Variants in TMEM117 observed in about 807,000 individuals in gnomAD.
TMEM117 encodes the protein transmembrane protein 117.
In TMEM117, 27 loss-of-function variants were observed where a neutral mutation model predicts 52.4. That is an observed-to-expected ratio of 0.51 (90% confidence interval 0.38 to 0.71). TMEM117 has a LOEUF of 0.71. Ranked by LOEUF, TMEM117 falls within the 30% of genes least tolerant of loss-of-function variation. The pLI is 0.00. For missense variants in TMEM117, 556 were observed against 630.5 expected (o/e 0.88, Z 1.26); for synonymous variants, 215 against 206.3 (o/e 1.04, Z -0.36).
At chr12:44,356,736 C>T (rs1025348441) in intron 6 of TMEM117, among the ~76,000 whole-genome samples, 3 of 152,142 alleles carry the variant, frequency 2.0e-5, no homozygotes, top group East Asian at 1.9e-4. Context: ...AATATGTTAA[C>T]GTCGGTGCCA....
intron 3 of TMEM117, among the ~76,000 whole-genome samples, chr12:44,064,491 C>T (rs1277814027): frequency 6.6e-6 from 1 of 152,164 alleles, no homozygotes; most frequent in African/African-American, 2.4e-5. Context: ...GATATTTTAT[C>T]AGGTGGCTCT....
intron 2 of TMEM117, among the ~76,000 whole-genome samples, chr12:43,917,088 T>C (rs561491678): frequency 1.3e-5 from 2 of 152,216 alleles, no homozygotes; most frequent in East Asian, 3.9e-4. Context: ...TTTATTGATA[T>C]AGTGATACAA....
chr12:44,042,752 TTAA>T (rs1474183641), intron 3 of TMEM117, among the ~76,000 whole-genome samples: 4 of 133,542 alleles, frequency 3.0e-5, no homozygotes, highest in Non-Finnish European at 4.6e-5. Flanking sequence ...AAGTTAATCC[TTAA>T]TAAACTACAC....
chr12:44,006,835 T>A (rs1946205678), intron 3 of TMEM117, among the ~76,000 whole-genome samples: 1 of 152,212 alleles, frequency 6.6e-6, no homozygotes, highest in Admixed American at 6.5e-5. Context: ...GATTCCTTTT[T>A]GTGAAGCATA....
chr12:44,269,255 A>T lies in TMEM117; in HGVS notation c.609-30325A>T, dbSNP rs559565402. Among the ~76,000 whole-genome samples the T allele has an allele frequency of 1.5e-3, 229 of 152,248 alleles. 3 individuals are homozygous for T. Among genetic ancestry groups the T allele is most frequent in the African/African-American group, 5.1e-3 (214 of 41,570 alleles). On this transcript the variant is annotated intron_variant, in intron 5 of 7. Transcript: ENST00000266534. The stretch of plus-strand genomic sequence containing the variant: ...AAAAATTCAAGTAACACCAAAAGGC[A>T]TAAATTTAAAAGGAAAACACTACCA...
chr12:44,280,966 T>C (rs1950570018), intron 5 of TMEM117, among the ~76,000 whole-genome samples: 1 of 150,944 alleles, frequency 6.6e-6, no homozygotes, highest in Non-Finnish European at 1.5e-5. Context: ...CAATCACAAG[T>C]GCTGTCATGC....
At chr12:43,828,431 C>T in the TMEM117 span, among the ~76,000 whole-genome samples, 965 of 152,288 alleles carry the variant, frequency 6.3e-3, 24 homozygotes, top group East Asian at 0.087. Context: ...ATTCCAGCCC[C>T]CCTACCTTAT....
At chr12:44,152,589 T>C (rs1225317978) in intron 4 of TMEM117, among the ~76,000 whole-genome samples, 1 of 123,114 alleles carries the variant, frequency 8.1e-6, no homozygotes, top group Admixed American at 9.1e-5. Flanking sequence ...ATATATAATA[T>C]TTATATCATA....
In TMEM117 at chr12:44,388,454, A is replaced by G. The variant is rs750765878; in HGVS notation, c.1327A>G (p.Ser443Gly). The G allele has an allele frequency of 6.2e-7, 1 of 1,613,494 alleles. No homozygotes were observed. ...GAAAAGAAAATCTCCATCAGAACATAGCAAAGACATGGGAATCACTCGAGA... is the reference window on the plus strand; with the variant it reads ...GAAAAGAAAATCTCCATCAGAACATGGCAAAGACATGGGAATCACTCGAGA... The part of the protein sequence containing the change: ...RMKRKSPSEH[S>G]KDMGITRENT... The change falls in exon 8 of 8, where the codon AGC (serine) becomes GGC (glycine). Residue 443 changes from serine to glycine, a missense_variant. Physicochemically the swap from Ser to Gly is moderately conservative, Grantham distance 56. This residue lies in a region of TMEM117 where 206 missense variants were observed against 211.1 expected (regional missense o/e 0.98). Coordinates refer to ENST00000266534, the MANE Select transcript of TMEM117 (RefSeq NM_032256.3).
the TMEM117 span, among the ~76,000 whole-genome samples, chr12:43,795,913 G>A: frequency 6.6e-6 from 1 of 152,104 alleles, no homozygotes; most frequent in Non-Finnish European, 1.5e-5. Context: ...GGGGGAAGGG[G>A]CTAAATGAGT....
rs561864874 is a variant in TMEM117, at chr12:43,875,248, T to A, written c.277+30320T>A. ...GTGTGTGTGTGTGTGTGTGTGTGTG[T>A]GTGAGAAAAGAGTCAGAATCGGGTA... On this transcript the variant is annotated intron_variant, in intron 2 of 7. Coordinates refer to ENST00000266534, the MANE Select transcript of TMEM117 (RefSeq NM_032256.3). 3.2e-3 allele frequency among the ~76,000 whole-genome samples: 442 copies of A among 137,250 alleles called. 2 individuals carry two copies. The highest frequency in any genetic ancestry group is 6.0e-3 in the Non-Finnish European group (366 of 61,192). The allele number at this position is 137,250 out of a possible 152,430, so 90.0% of individuals were successfully genotyped here.
intron 3 of TMEM117, among the ~76,000 whole-genome samples, chr12:44,008,147 G>A (rs1344121526): frequency 2.0e-5 from 3 of 152,114 alleles, no homozygotes; most frequent in African/African-American, 4.8e-5. Context: ...ACCTGGATGA[G>A]GACCAAGACT....
chr12:44,232,965 A>G (rs918855546), intron 5 of TMEM117, among the ~76,000 whole-genome samples: 2 of 151,190 alleles, frequency 1.3e-5, no homozygotes, highest in Non-Finnish European at 3.0e-5. Flanking sequence ...CTCAAATTTC[A>G]TATATTGATT....
the TMEM117 span, among the ~76,000 whole-genome samples, chr12:43,807,894 C>T: frequency 6.6e-6 from 1 of 152,118 alleles, no homozygotes; most frequent in Non-Finnish European, 1.5e-5. Context: ...TGAACATTTG[C>T]CAGAGCTGTC....
intron 4 of TMEM117, among the ~76,000 whole-genome samples, chr12:44,209,320 T>C (rs1949614875): frequency 6.6e-6 from 1 of 152,114 alleles, no homozygotes; most frequent in African/African-American, 2.4e-5. Context: ...TTCCCCTTAC[T>C]CCTTTTGATA....
At chr12:43,801,003 C>A in the TMEM117 span, among the ~76,000 whole-genome samples, 1 of 152,256 alleles carries the variant, frequency 6.6e-6, no homozygotes, top group African/African-American at 2.4e-5. Context: ...CCACTCGCCT[C>A]GGCTTCCCAA....
intron 6 of TMEM117, among the ~76,000 whole-genome samples, chr12:44,301,395 A>G (rs1950837598): frequency 6.6e-6 from 1 of 152,152 alleles, no homozygotes; most frequent in African/African-American, 2.4e-5. Context: ...TCTAGATGAA[A>G]AAATATCATA....
At chr12:43,956,609 C>T (rs1945312863) in intron 3 of TMEM117, among the ~76,000 whole-genome samples, 2 of 151,108 alleles carry the variant, frequency 1.3e-5, no homozygotes, top group African/African-American at 4.9e-5. Flanking sequence ...AATGAGATAC[C>T]ATCTCATGCC....
chr12:43,931,146 G>A (rs1428395759), intron 2 of TMEM117, among the ~76,000 whole-genome samples: 1 of 152,230 alleles, frequency 6.6e-6, no homozygotes, highest in Non-Finnish European at 1.5e-5. Context: ...AATAGTTTGT[G>A]TCCCTACAAG....
Sources: allele counts gnomAD v4.1 joint callset (sites outside exome capture counted in the v4.1 genomes callset), GRCh38; gene constraint gnomAD v4.1.1; regional missense constraint gnomAD v4.1.1; transcripts MANE v1.5; gene names NCBI Gene and HGNC (gene_info 2026-07-23, HGNC 2026-07-21).